Variants in CLSTN1 observed in about 807,000 individuals in gnomAD.
CLSTN1 encodes the protein calsyntenin 1.
In CLSTN1, 28 loss-of-function variants were observed where a neutral mutation model predicts 108.3. That is an observed-to-expected ratio of 0.26 (90% CI 0.19 to 0.35). The LOEUF (loss-of-function observed/expected upper bound fraction) is 0.35, where lower values mean the gene tolerates loss of function less well. Among genes scored for constraint, CLSTN1 ranks in the 10% least tolerant of loss-of-function variants. The pLI is 1.00. For synonymous variants in CLSTN1, 524 were observed against 534.9 expected, an observed-to-expected ratio of 0.98 and a Z score of 0.28; for missense variants, 1,157 against 1,302.6, an observed-to-expected ratio of 0.89 and a Z score of 1.72.
At chr1:9,796,791 T>C (rs545165123) in intron 1 of CLSTN1, among the ~76,000 whole-genome samples, 4 of 152,332 alleles carry the variant, frequency 2.6e-5, no homozygotes, top group African/African-American at 9.6e-5. Context: ...CGGCCTCTGG[T>C]AACCTTTCAA....
rs61785186 is a variant in CLSTN1, at chr1:9,765,479, T to C, written c.214+7793A>G. Among the ~76,000 whole-genome samples the C allele has an allele frequency of 5.8e-3, 875 of 151,644 alleles. 11 individuals are homozygous for C. Among genetic ancestry groups the C allele is most frequent in the African/African-American group, 0.02 (812 of 41,318 alleles). On this transcript the variant is annotated intron_variant, in intron 2 of 18. Coordinates refer to ENST00000377298, the MANE Select transcript of CLSTN1 (RefSeq NM_001009566.3). ...CAGGGGGATCTTGAGGTCAAGAGTT[T>C]GAGACCAGCCTGGCCAATATGGTGA...
chr1:9,737,365 G>A (rs1650748730), intron 11 of CLSTN1, 133 bp downstream of exon 11: 6 of 784,340 alleles, frequency 7.6e-6, no homozygotes, highest in South Asian at 4.5e-5. Context: ...ATGGGGAAGC[G>A]CAATGCAGGG....
intron 2 of CLSTN1, 123 bp downstream of exon 2, chr1:9,773,149 C>T: frequency 7.5e-7 from 1 of 1,339,526 alleles, no homozygotes; most frequent in Non-Finnish European, 1.0e-6. Context: ...ACAAAGGACG[C>T]TACAAATAAC....
intron 2 of CLSTN1, among the ~76,000 whole-genome samples, chr1:9,758,581 T>A (rs192702531): frequency 1.3e-5 from 2 of 152,230 alleles, no homozygotes; most frequent in African/African-American, 2.4e-5. Flanking sequence ...CCCAAAGTAC[T>A]GGGATTACAG....
chr1:9,744,462 C>T lies in CLSTN1; in HGVS notation c.1167G>A (p.Ser389=), dbSNP rs756907282. The T allele has an allele frequency of 1.7e-5, 28 of 1,611,042 alleles. No homozygotes were observed. The highest frequency in any genetic ancestry group is 2.2e-5 in the East Asian group (1 of 44,874). The part of the protein sequence containing the change: ...SVSPKEPFTI[S]VWMRHGPFGR... ...CGAATGGCCCATGTCTCATCCACACCGAGATGGTGAACGGCTCTTTGGGGC... is the reference window on the plus strand; with the variant it reads ...CGAATGGCCCATGTCTCATCCACACTGAGATGGTGAACGGCTCTTTGGGGC... The change falls in exon 8 of 19, where the codon TCG becomes TCA. Residue 389 remains serine (S), a synonymous_variant. Coordinates refer to ENST00000377298, the MANE Select transcript of CLSTN1 (RefSeq NM_001009566.3).
intron 1 of CLSTN1, among the ~76,000 whole-genome samples, chr1:9,807,558 A>AAATAGCAAT (rs1654558948): frequency 1.3e-5 from 2 of 152,202 alleles, no homozygotes; most frequent in Non-Finnish European, 2.9e-5. Context: ...TATTTCAGTT[A>AAATAGCAAT]AATTCTTTGA....
At chr1:9,788,849 C>T (rs1653622269) in intron 1 of CLSTN1, among the ~76,000 whole-genome samples, 1 of 113,552 alleles carries the variant, frequency 8.8e-6, no homozygotes, top group Admixed American at 1.4e-4. Context: ...AGCTGGGCGA[C>T]AGAGCGAGAC....
rs1651448571 is a variant in CLSTN1 at position 9,749,571 on chromosome 1, CAT to C, written c.873_874del (p.Cys292Ter). 2 of 1,614,122 alleles carry C rather than the reference CAT, an allele frequency of 1.2e-6. No homozygotes were observed. Reference sequence around the variant, plus strand: ...CTGTACTGAGGCGACTGGCTCGTCACATGTCTCCAGGTGGATATTTGGAAAGA... The same window carrying C: ...CTGTACTGAGGCGACTGGCTCGTCACGTCTCCAGGTGGATATTTGGAAAGA... On this transcript the variant is annotated frameshift_variant, in exon 7 of 19. Transcript: ENST00000377298. LOFTEE classifies it high-confidence loss of function.
At position 9,766,339 on chromosome 1, in the gene CLSTN1, G is replaced by T. The variant is rs534879116; in HGVS notation, c.214+6933C>A. On this transcript the variant is annotated intron_variant, in intron 2 of 18. Transcript: ENST00000377298. Reference sequence around the variant, plus strand: ...TGGCCCACACATGAGGCTCAAGCTGGTAACTCTCCACGAAATATATAAAAT... The same window carrying T: ...TGGCCCACACATGAGGCTCAAGCTGTTAACTCTCCACGAAATATATAAAAT... Among the ~76,000 whole-genome samples the T allele has an allele frequency of 3.9e-5, 6 of 152,200 alleles. 1 individual carries two copies. The South Asian group carries it at 1.2e-3, about 32-fold the overall frequency.
intron 2 of CLSTN1, among the ~76,000 whole-genome samples, chr1:9,770,402 A>G (rs79699380): frequency 2.0e-4 from 31 of 152,226 alleles, no homozygotes; most frequent in Non-Finnish European, 2.8e-4. Context: ...TTTTTCTTTC[A>G]AAGTTAACAC....
intron 2 of CLSTN1, among the ~76,000 whole-genome samples, chr1:9,769,658 G>A (rs1324543130): frequency 6.6e-6 from 1 of 152,148 alleles, no homozygotes; most frequent in Non-Finnish European, 1.5e-5. Context: ...TTCCTTTTTG[G>A]GGTGATGAAA....
At chr1:9,761,491 G>C (rs1557702755) in intron 2 of CLSTN1, among the ~76,000 whole-genome samples, 1 of 152,090 alleles carries the variant, frequency 6.6e-6, no homozygotes, top group Non-Finnish European at 1.5e-5. Flanking sequence ...GACGGAGTGA[G>C]ACCATGTCTA....
intron 1 of CLSTN1, among the ~76,000 whole-genome samples, chr1:9,822,704 T>A (rs1315454737): frequency 6.6e-6 from 1 of 152,134 alleles, no homozygotes; most frequent in Non-Finnish European, 1.5e-5. Context: ...GCAAGACCAG[T>A]CAATAGCAGA....
rs1266111374 is a variant in CLSTN1 at position 9,756,625 on chromosome 1, GA to G, written c.215-116del. ...TACACATTTCCACACCAAGCTCAGCGACCGGCTTCTACGATTGCTACAGCAA... is the reference window on the plus strand; with the variant it reads ...TACACATTTCCACACCAAGCTCAGCGCCGGCTTCTACGATTGCTACAGCAA... On this transcript the variant is annotated intron_variant, in intron 2 of 18. Coordinates refer to ENST00000377298, the MANE Select transcript of CLSTN1 (RefSeq NM_001009566.3). The G allele has an allele frequency of 7.0e-5, 57 of 812,208 alleles. 1 individual carries two copies. In the South Asian group the frequency reaches 9.6e-4, roughly 14 times the overall value. The allele number at this position is 812,208 out of a possible 1,614,324, so 50.3% of individuals were successfully genotyped here. A position where few individuals can be genotyped will look rare whatever the true frequency, so the allele number is the denominator to read the frequency against.
At chr1:9,731,517 G>A (rs1650391616) in intron 17 of CLSTN1, 127 bp from the exon 18 acceptor site, 1 of 1,106,624 alleles carries the variant, frequency 9.0e-7, no homozygotes, top group Non-Finnish European at 1.3e-6. Flanking sequence ...CCACAGGCCA[G>A]GAGGAAATAC....
At position 9,823,835 on chromosome 1, in the gene CLSTN1, G is replaced by A. The variant is rs1167879940; in HGVS notation, c.-102C>T. ...GGCCTGGGGCTAGCTGCTCCGCGGC[G>A]CGGGGAGCTCCGGGGGTCCAAGGAG... On this transcript the variant is annotated 5_prime_UTR_variant, in exon 1 of 19. Transcript: ENST00000377298. The surrounding 1 kb of genome is among the most constrained non-coding windows in gnomAD (Gnocchi z 6.3). 12 of 495,638 alleles carry A rather than the reference G, an allele frequency of 2.4e-5. No homozygotes were observed. The South Asian group carries it at 4.1e-4, about 17-fold the overall frequency. 30.7% of individuals were successfully genotyped at this position (495,638 alleles called of 1,614,324 possible).
intron 1 of CLSTN1, among the ~76,000 whole-genome samples, chr1:9,783,799 C>A (rs1449237355): frequency 1.3e-5 from 2 of 152,144 alleles, no homozygotes; most frequent in African/African-American, 4.8e-5. Flanking sequence ...TCGAGACCAG[C>A]CTGGCAAACA....
chr1:9,784,160 G>A (rs1037000826), intron 1 of CLSTN1, among the ~76,000 whole-genome samples: 4 of 127,776 alleles, frequency 3.1e-5, no homozygotes, highest in South Asian at 2.5e-4. Context: ...CGACAGGAGC[G>A]AAACTCTATC....
chr1:9,761,611 C>T (rs575936606), intron 2 of CLSTN1, among the ~76,000 whole-genome samples: 4 of 152,206 alleles, frequency 2.6e-5, no homozygotes, highest in Admixed American at 2.0e-4. Flanking sequence ...TCCAAAGTCA[C>T]GTGCAGGGTT....
Sources: gnomAD v4.1 joint callset for allele counts (sites outside exome capture counted in the v4.1 genomes callset) on GRCh38, gnomAD v4.1.1 for gene constraint, Gnocchi (gnomAD v3.1) non-coding constraint, MANE v1.5 for transcripts, NCBI Gene and HGNC (gene_info 2026-07-23, HGNC 2026-07-21) for gene names.